PALM2AKAP2: variants seen among roughly 807,000 people sequenced by gnomAD.
PALM2AKAP2 encodes PALM2-AKAP2 fusion protein.
In PALM2AKAP2, 37 loss-of-function variants were observed where a neutral mutation model predicts 71.5. The observed-to-expected ratio is 0.52, with a 90% CI of 0.40 to 0.68. The LOEUF (loss-of-function observed/expected upper bound fraction) is 0.68. Ranked by LOEUF, PALM2AKAP2 falls within the 30% of genes least tolerant of loss-of-function variation. The pLI is 0.00. For synonymous variants in PALM2AKAP2, 468 were observed against 478.8 expected (o/e 0.98, Z 0.29); for missense variants, 1,224 against 1,191.8 (o/e 1.03, Z -0.40).
intron 1 of PALM2AKAP2, among the ~76,000 whole-genome samples, chr9:109,722,180 G>A (rs879715754): frequency 6.6e-6 from 1 of 152,202 alleles, no homozygotes. Flanking sequence ...CTACAGTGGA[G>A]TACTATGCAG....
chr9:109,801,118 C>G lies in PALM2AKAP2; in HGVS notation c.45+20585C>G, dbSNP rs149591296. Among the ~76,000 whole-genome samples, 228 of 152,332 alleles carry G rather than the reference C, an allele frequency of 1.5e-3. 1 individual carries two copies. Among genetic ancestry groups the G allele is most frequent in the African/African-American group, 5.0e-3 (207 of 41,580 alleles). ...TAGATTTGGGGGTTGCATACATACACACCTTCAGTTGCCGTGAAACATTTC... is the reference window on the plus strand; with the variant it reads ...TAGATTTGGGGGTTGCATACATACAGACCTTCAGTTGCCGTGAAACATTTC... On this transcript the variant is annotated intron_variant, in intron 1 of 9. Transcript: ENST00000302798.
intron 1 of PALM2AKAP2, among the ~76,000 whole-genome samples, chr9:110,105,289 A>G (rs1350604770): frequency 6.6e-6 from 1 of 152,210 alleles, no homozygotes; most frequent in Non-Finnish European, 1.5e-5. Flanking sequence ...CTTGTGACAT[A>G]ATACATTCCT....
intron 3 of PALM2AKAP2, among the ~76,000 whole-genome samples, chr9:109,920,187 A>G (rs1346057586): frequency 6.6e-6 from 1 of 152,140 alleles, no homozygotes; most frequent in Non-Finnish European, 1.5e-5. Flanking sequence ...ATCTGCTCAC[A>G]TCCTATTGGC....
intron 2 of PALM2AKAP2, among the ~76,000 whole-genome samples, chr9:110,146,932 C>T (rs904896019): frequency 2.0e-5 from 3 of 152,078 alleles, no homozygotes; most frequent in Middle Eastern, 3.2e-3. Flanking sequence ...CAAGTATTAC[C>T]AGTCTCTCTT....
At chr9:109,974,258 C>T (rs1235817261) in intron 6 of PALM2AKAP2, among the ~76,000 whole-genome samples, 1 of 152,208 alleles carries the variant, frequency 6.6e-6, no homozygotes, top group Non-Finnish European at 1.5e-5. Flanking sequence ...ATTCAGAATT[C>T]TAAAGGGCAC....
chr9:109,692,936 T>G (rs1827919559), intron 1 of PALM2AKAP2, among the ~76,000 whole-genome samples: 1 of 151,890 alleles, frequency 6.6e-6, no homozygotes, highest in Non-Finnish European at 1.5e-5. Flanking sequence ...CTCTCCTTCC[T>G]TTCCTTCCTT....
At chr9:109,704,732 C>T (rs891577594) in intron 1 of PALM2AKAP2, among the ~76,000 whole-genome samples, 5 of 152,200 alleles carry the variant, frequency 3.3e-5, no homozygotes, top group Non-Finnish European at 7.3e-5. Context: ...CATTGCTGCC[C>T]TTCTGCCCCA....
chr9:109,883,317 A>G (rs566424064), intron 3 of PALM2AKAP2, among the ~76,000 whole-genome samples: 3 of 152,302 alleles, frequency 2.0e-5, no homozygotes, highest in Admixed American at 6.5e-5. Context: ...AAGCCAGAGG[A>G]AGGAAATCAC....
chr9:109,826,867 C>T (rs1828163416), intron 1 of PALM2AKAP2, among the ~76,000 whole-genome samples: 1 of 152,176 alleles, frequency 6.6e-6, no homozygotes, highest in African/African-American at 2.4e-5. Flanking sequence ...TGATCCAACA[C>T]AGCATGATTG....
chr9:109,703,692 G>A (rs1828098122), intron 1 of PALM2AKAP2, among the ~76,000 whole-genome samples: 1 of 151,414 alleles, frequency 6.6e-6, no homozygotes, highest in Non-Finnish European at 1.5e-5. Flanking sequence ...GGGGGATGGT[G>A]TTAGTGTGAA....
At chr9:110,019,109 C>T (rs1368068595) in intron 7 of PALM2AKAP2, among the ~76,000 whole-genome samples, 1 of 151,694 alleles carries the variant, frequency 6.6e-6, no homozygotes, top group African/African-American at 2.4e-5. Flanking sequence ...TGTGATGGCG[C>T]GTGCCTGTAA....
intron 2 of PALM2AKAP2, among the ~76,000 whole-genome samples, chr9:109,879,394 C>T (rs1829793757): frequency 6.6e-6 from 1 of 152,176 alleles, no homozygotes; most frequent in Admixed American, 6.5e-5. Flanking sequence ...CACTGTGGTC[C>T]CCTCTGGTGA....
At chr9:109,907,288 G>C (rs1830467455) in intron 3 of PALM2AKAP2, among the ~76,000 whole-genome samples, 1 of 152,228 alleles carries the variant, frequency 6.6e-6, no homozygotes, top group Non-Finnish European at 1.5e-5. Context: ...AGACTGGGCA[G>C]CTGTTACTGA....
chr9:109,777,815 A>G (rs1403691670), upstream of PALM2AKAP2, among the ~76,000 whole-genome samples: 1 of 152,030 alleles, frequency 6.6e-6, no homozygotes, highest in African/African-American at 2.4e-5. Context: ...CTCGGATGAT[A>G]CTTTATCAGT....
At chr9:109,822,740 T>C (rs1008323076) in intron 1 of PALM2AKAP2, among the ~76,000 whole-genome samples, 1 of 152,136 alleles carries the variant, frequency 6.6e-6, no homozygotes, top group African/African-American at 2.4e-5. Flanking sequence ...TATTCCACGG[T>C]GTATATGTAC....
At chr9:109,691,867 T>TATATATACAC (rs1320319516) in intron 1 of PALM2AKAP2, among the ~76,000 whole-genome samples, 1 of 51,490 alleles carries the variant, frequency 1.9e-5, no homozygotes, top group African/African-American at 8.1e-5. Context: ...TATATATATA[T>TATATATACAC]ACACACACAC....
intron 1 of PALM2AKAP2, among the ~76,000 whole-genome samples, chr9:110,130,368 G>A (rs1835706486): frequency 6.6e-6 from 1 of 152,134 alleles, no homozygotes. Context: ...GTCTTTGGAC[G>A]CTAAACTCTG....
intron 1 of PALM2AKAP2, among the ~76,000 whole-genome samples, chr9:109,642,389 T>G (rs1218390235): frequency 6.6e-6 from 1 of 151,486 alleles, no homozygotes; most frequent in African/African-American, 2.4e-5. Context: ...TGGCATAAAA[T>G]AAGCTCAATA....
chr9:110,115,109 G>A (rs1430726416), intron 1 of PALM2AKAP2, among the ~76,000 whole-genome samples: 1 of 152,118 alleles, frequency 6.6e-6, no homozygotes, highest in East Asian at 1.9e-4. Context: ...CGTAAAAGCA[G>A]TGGACGGAAA....
Sources: allele counts gnomAD v4.1 joint callset (sites outside exome capture counted in the v4.1 genomes callset), GRCh38; gene constraint gnomAD v4.1.1; transcripts MANE v1.5; gene names NCBI Gene and HGNC (gene_info 2026-07-23, HGNC 2026-07-21).